Variants in EPB41L2 observed in about 807,000 individuals in gnomAD.
EPB41L2 encodes band 4.1-like protein 2.
EPB41L2 carries 43 observed loss-of-function variants against 113.0 expected under a neutral mutation model. The observed-to-expected ratio is 0.38, with a 90% CI of 0.30 to 0.49. EPB41L2 has a LOEUF of 0.49. Among genes scored for constraint, EPB41L2 ranks in the 20% least tolerant of loss-of-function variants. EPB41L2 has a pLI of 0.95. For missense variants in EPB41L2, 1,147 were observed against 1,223.4 expected, an observed-to-expected ratio of 0.94 and a Z score of 0.93; for synonymous variants, 442 against 436.7, an observed-to-expected ratio of 1.01 and a Z score of -0.15.
At chr6:130,915,363 A>G (rs1800697934) in intron 4 of EPB41L2, among the ~76,000 whole-genome samples, 1 of 152,252 alleles carries the variant, frequency 6.6e-6, no homozygotes, top group Admixed American at 6.5e-5. Flanking sequence ...GGAGGTAATG[A>G]ACTCAAGTTT....
Position 130,858,266 on chromosome 6 carries a change from C to T in EPB41L2, c.2911-23G>A, listed in dbSNP as rs769321495. 1.8e-5 allele frequency: 29 copies of T among 1,588,650 alleles called. No individual in the cohort carries two copies. The East Asian group carries it at 2.2e-4, about 12-fold the overall frequency. On this transcript the variant is annotated intron_variant, in intron 18 of 19. Transcript: ENST00000337057. ...TGCCTGCCAGGGTCAGGACAGAGAACGGCTGTGAGCTGGGGAACAGCCTCC... is the reference window on the plus strand; with the variant it reads ...TGCCTGCCAGGGTCAGGACAGAGAATGGCTGTGAGCTGGGGAACAGCCTCC...
At chr6:130,886,639 G>GTTGTTGT (rs1554258090) in intron 11 of EPB41L2, among the ~76,000 whole-genome samples, 34 of 151,556 alleles carry the variant, frequency 2.2e-4, no homozygotes, top group Admixed American at 7.2e-4. Context: ...TGTTGTTGTT[G>GTTGTTGT]TTGTTTGTTT....
intron 1 of EPB41L2, among the ~76,000 whole-genome samples, chr6:130,981,501 G>C (rs1375214090): frequency 1.3e-5 from 2 of 152,156 alleles, no homozygotes; most frequent in Non-Finnish European, 2.9e-5. Context: ...ATAAGAATAT[G>C]TGAAAGGTTA....
chr6:130,928,090 C>CA (rs1562508015), intron 3 of EPB41L2, among the ~76,000 whole-genome samples: 1 of 151,604 alleles, frequency 6.6e-6, no homozygotes, highest in Non-Finnish European at 1.5e-5. Context: ...GACCCTGTCT[C>CA]AATAAATAAA....
chr6:130,962,094 T>C (rs989215646), intron 1 of EPB41L2, among the ~76,000 whole-genome samples: 4 of 152,120 alleles, frequency 2.6e-5, no homozygotes, highest in South Asian at 2.1e-4. Context: ...GAAGGGCCTA[T>C]AGCTATTGAA....
intron 4 of EPB41L2, among the ~76,000 whole-genome samples, chr6:130,926,151 G>A (rs1804665881): frequency 1.3e-5 from 2 of 152,144 alleles, no homozygotes; most frequent in African/African-American, 4.8e-5. Context: ...GTTCCAATGT[G>A]CCGCCTTCCC....
chr6:130,956,000 CT>C lies in EPB41L2; in HGVS notation c.485del (p.Glu162GlyfsTer7), dbSNP rs1175285019. The C allele has an allele frequency of 1.2e-6, 2 of 1,609,598 alleles. No individual in the cohort carries two copies. The highest frequency in any genetic ancestry group is 2.7e-5 in the African/African-American group (2 of 74,650). On this transcript the variant is annotated frameshift_variant, in exon 2 of 20. Transcript: ENST00000337057. LOFTEE classifies it high-confidence loss of function. ...KEEKPSVSKV[E>X]MQPTELVSKE... ...CAATTATTCCCAAACATACCTGCAT[CT>C]CCACTTTGCTCACTGAGGGTTTTTC...
chr6:130,982,635 G>A (rs1584253182), intron 1 of EPB41L2, among the ~76,000 whole-genome samples: 1 of 152,258 alleles, frequency 6.6e-6, no homozygotes, highest in East Asian at 1.9e-4. Flanking sequence ...ATTATGCAAC[G>A]TTCTCTGCAG....
intron 8 of EPB41L2, among the ~76,000 whole-genome samples, chr6:130,898,892 A>T (rs1411392488): frequency 7.2e-5 from 11 of 152,136 alleles, no homozygotes; most frequent in Non-Finnish European, 1.6e-4. Context: ...GGTGTTCAGG[A>T]TTATGACTGG....
intron 1 of EPB41L2, among the ~76,000 whole-genome samples, chr6:130,959,133 G>A (rs1182161304): frequency 6.6e-6 from 1 of 152,148 alleles, no homozygotes; most frequent in African/African-American, 2.4e-5. Flanking sequence ...GTCAAAGAGA[G>A]GAAAGAGCTA....
At position 130,968,046 on chromosome 6, in the gene EPB41L2, T is replaced by G. The variant is rs561481412; in HGVS notation, c.-14-11547A>C. On this transcript the variant is annotated intron_variant, in intron 1 of 19. Coordinates refer to ENST00000337057, the MANE Select transcript of EPB41L2 (RefSeq NM_001431.4). Reference sequence around the variant, plus strand: ...CTAAGCTCACCCCACAACTATCTTATGCATAAAATGGCTCCTCAGCCCCAT... The same window carrying G: ...CTAAGCTCACCCCACAACTATCTTAGGCATAAAATGGCTCCTCAGCCCCAT... Among the ~76,000 whole-genome samples, 3 of 152,320 alleles carry G rather than the reference T, an allele frequency of 2.0e-5. No homozygotes were observed. The South Asian group carries it at 6.2e-4, about 32-fold the overall frequency.
intron 11 of EPB41L2, among the ~76,000 whole-genome samples, chr6:130,885,850 A>G (rs1207808719): frequency 2.0e-5 from 3 of 152,258 alleles, no homozygotes; most frequent in African/African-American, 7.2e-5. Context: ...CCCTTCCTCA[A>G]TGCCTTAACA....
chr6:130,954,682 TG>T (rs1361820944), intron 3 of EPB41L2, among the ~76,000 whole-genome samples: 1 of 152,218 alleles, frequency 6.6e-6, no homozygotes, highest in Non-Finnish European at 1.5e-5. Flanking sequence ...AAATCATAGA[TG>T]TTTTTTAATT....
chr6:131,028,806 C>A (rs1321574449), intron 1 of EPB41L2, among the ~76,000 whole-genome samples: 1 of 152,192 alleles, frequency 6.6e-6, no homozygotes, highest in African/African-American at 2.4e-5. Flanking sequence ...ACTTGGGTAA[C>A]TAGGTGACTC....
At chr6:130,918,026 T>C (rs1801678275) in intron 4 of EPB41L2, among the ~76,000 whole-genome samples, 1 of 152,182 alleles carries the variant, frequency 6.6e-6, no homozygotes, top group Non-Finnish European at 1.5e-5. Flanking sequence ...TAATATACCT[T>C]TGCCTAAATT....
At chr6:130,880,080 G>A in intron 13 of EPB41L2, 64 bp downstream of exon 13, 1 of 1,258,860 alleles carries the variant, frequency 7.9e-7, no homozygotes, top group Non-Finnish European at 1.2e-6. Flanking sequence ...GCCTAGGCGT[G>A]ACCTCCCGTC....
intron 18 of EPB41L2, among the ~76,000 whole-genome samples, chr6:130,858,610 CT>C (rs1485328778): frequency 6.6e-6 from 1 of 152,244 alleles, no homozygotes; most frequent in African/African-American, 2.4e-5. Flanking sequence ...TTAAGGTTTT[CT>C]GTGTGAACTA....
Position 130,956,447 on chromosome 6 carries a change from CT to C in EPB41L2, c.38del (p.Lys13ArgfsTer6). 6.2e-7 allele frequency: 1 copy of C among 1,613,908 alleles called. No homozygotes were observed. Among genetic ancestry groups the C allele is most frequent in the Non-Finnish European group, 8.5e-7 (1 of 1,180,020 alleles). ...CATCTGTTCCTAACTGGCTAGAGTC[CT>C]TCTTCACTTCAGACACAGAGCCTAC... ...TEVGSVSEVKKDSSQLGTDAT... is the reference protein window; with the variant it reads ...TEVGSVSEVKXDSSQLGTDAT... On this transcript the variant is annotated frameshift_variant, in exon 2 of 20. Coordinates refer to ENST00000337057, the MANE Select transcript of EPB41L2 (RefSeq NM_001431.4). LOFTEE classifies it high-confidence loss of function.
chr6:130,959,599 A>T (rs900689973), intron 1 of EPB41L2, among the ~76,000 whole-genome samples: 3 of 152,202 alleles, frequency 2.0e-5, no homozygotes, highest in African/African-American at 7.2e-5. Flanking sequence ...CAGGCATCTG[A>T]AATTCAAAAG....
Sources: gnomAD v4.1 joint callset for allele counts (sites outside exome capture counted in the v4.1 genomes callset) on GRCh38, gnomAD v4.1.1 for gene constraint, MANE v1.5 for transcripts, NCBI Gene and HGNC (gene_info 2026-07-23, HGNC 2026-07-21) for gene names.